RFX7: variants seen among roughly 807,000 people sequenced by gnomAD.
RFX7 encodes the protein regulatory factor X7.
Under a neutral mutation model 111.8 loss-of-function variants are expected in RFX7, and 26 were observed. The ratio of observed to expected loss-of-function variants is 0.23; its 90% CI spans 0.17 to 0.32. The LOEUF is 0.32. Among genes scored for constraint, RFX7 ranks in the 10% least tolerant of loss-of-function variants. The pLI is 1.00. For synonymous variants in RFX7, 624 were observed against 624.4 expected (o/e 1.00, Z 0.01); for missense variants, 1,573 against 1,772.9 (o/e 0.89, Z 2.02).
chr15:56,141,656 A>ACT (rs1555421058), intron 5 of RFX7, among the ~76,000 whole-genome samples: 1,763 of 82,896 alleles, frequency 0.021, 223 homozygotes, highest in African/African-American at 0.047. Flanking sequence ...GCTTACTCTA[A>ACT]ATATATATAT....
At chr15:56,216,594 A>G (rs2043365129) in intron 2 of RFX7, among the ~76,000 whole-genome samples, 1 of 152,096 alleles carries the variant, frequency 6.6e-6, no homozygotes, top group African/African-American at 2.4e-5. Context: ...TCATACTTTA[A>G]TTTTCTATTT....
At chr15:56,150,374 C>T (rs1249518215) in intron 3 of RFX7, among the ~76,000 whole-genome samples, 2 of 152,210 alleles carry the variant, frequency 1.3e-5, no homozygotes, top group African/African-American at 4.8e-5. Context: ...GGAGACACCT[C>T]CCAGATGGGG....
chr15:56,128,454 A>G (rs2042172853), intron 5 of RFX7, among the ~76,000 whole-genome samples: 1 of 152,252 alleles, frequency 6.6e-6, no homozygotes, highest in South Asian at 2.1e-4. Context: ...GTAATACACT[A>G]TATTCAGTTC....
At chr15:56,111,238 G>A (rs1189269578) in intron 5 of RFX7, among the ~76,000 whole-genome samples, 41 of 149,228 alleles carry the variant, frequency 2.7e-4, no homozygotes, top group Admixed American at 1.6e-3. Context: ...TTGAGAAATC[G>A]GATGGTTGCC....
chr15:56,105,635 A>AT (rs201092002), intron 5 of RFX7, among the ~76,000 whole-genome samples: 50 of 150,440 alleles, frequency 3.3e-4, no homozygotes, highest in Admixed American at 4.0e-4. Context: ...TCAGATTTTG[A>AT]TTTTTTTTTT....
At chr15:56,211,021 G>GT (rs1372374775) in intron 2 of RFX7, among the ~76,000 whole-genome samples, 2 of 151,992 alleles carry the variant, frequency 1.3e-5, no homozygotes, top group Non-Finnish European at 2.9e-5. Context: ...GCCAACAAAT[G>GT]TAATAACATA....
intron 5 of RFX7, among the ~76,000 whole-genome samples, chr15:56,107,136 A>AAAT (rs1336579635): frequency 2.0e-5 from 3 of 151,906 alleles, no homozygotes; most frequent in Admixed American, 6.6e-5. Context: ...CCTCTACTAA[A>AAAT]AATACAAAAA....
intron 5 of RFX7, among the ~76,000 whole-genome samples, chr15:56,123,462 G>A (rs575705874): frequency 2.5e-4 from 38 of 152,230 alleles, no homozygotes; most frequent in Non-Finnish European, 4.7e-4. Context: ...TCCTCTTCAC[G>A]TTTCCTTCTC....
At chr15:56,194,917 A>G (rs2043133100) in intron 2 of RFX7, among the ~76,000 whole-genome samples, 1 of 152,128 alleles carries the variant, frequency 6.6e-6, no homozygotes. Context: ...CCAAAGAAAT[A>G]AAAATAGGAA....
intron 5 of RFX7, among the ~76,000 whole-genome samples, chr15:56,112,993 C>G (rs1250223738): frequency 2.6e-5 from 4 of 152,128 alleles, no homozygotes; most frequent in African/African-American, 9.7e-5. Context: ...ATTAAAAAGT[C>G]AAGAAACAAC....
intron 5 of RFX7, among the ~76,000 whole-genome samples, chr15:56,125,847 T>C (rs1192558090): frequency 9.2e-5 from 14 of 152,174 alleles, no homozygotes; most frequent in Admixed American, 5.9e-4. Flanking sequence ...TATATACATA[T>C]AGCTACTTTC....
intron 3 of RFX7, among the ~76,000 whole-genome samples, chr15:56,151,851 G>A (rs1443079126): frequency 2.6e-5 from 4 of 152,106 alleles, no homozygotes; most frequent in African/African-American, 9.7e-5. Flanking sequence ...CTCAAATAAA[G>A]GGATGGAGGA....
intron 5 of RFX7, among the ~76,000 whole-genome samples, chr15:56,124,580 G>A (rs2042119034): frequency 6.6e-6 from 1 of 152,078 alleles, no homozygotes; most frequent in Non-Finnish European, 1.5e-5. Context: ...ACCTCACTGT[G>A]GTTTTTATCT....
At chr15:56,119,731 C>G (rs897846789) in intron 5 of RFX7, among the ~76,000 whole-genome samples, 3 of 148,718 alleles carry the variant, frequency 2.0e-5, no homozygotes, top group African/African-American at 7.5e-5. Flanking sequence ...GAGCTGAGAT[C>G]GCGCCATTGG....
At chr15:56,206,135 A>G (rs573124504) in intron 2 of RFX7, among the ~76,000 whole-genome samples, 11 of 152,282 alleles carry the variant, frequency 7.2e-5, no homozygotes, top group Non-Finnish European at 1.5e-4. Flanking sequence ...TTTGTACACT[A>G]ATGTTGAGAG....
At chr15:56,160,064 TG>T (rs1425210490) in intron 3 of RFX7, among the ~76,000 whole-genome samples, 1 of 152,194 alleles carries the variant, frequency 6.6e-6, no homozygotes, top group Admixed American at 6.5e-5. Flanking sequence ...TGTTTGGTTT[TG>T]TTTTTTTAAG....
chr15:56,167,365 C>T (rs779547477), intron 3 of RFX7, among the ~76,000 whole-genome samples: 1 of 152,076 alleles, frequency 6.6e-6, no homozygotes, highest in Non-Finnish European at 1.5e-5. Flanking sequence ...TATACCTCTC[C>T]GATAGACCAA....
At chr15:56,197,751 A>G (rs570284062) in intron 2 of RFX7, among the ~76,000 whole-genome samples, 21 of 152,298 alleles carry the variant, frequency 1.4e-4, no homozygotes, top group Admixed American at 7.8e-4. Context: ...TCTTTGATAC[A>G]AACTATATAT....
chr15:56,145,133 T>C (rs2042450961), intron 3 of RFX7, among the ~76,000 whole-genome samples: 1 of 152,204 alleles, frequency 6.6e-6, no homozygotes, highest in Non-Finnish European at 1.5e-5. Context: ...TCTGCAACTA[T>C]GTCATTTTGT....
Sources: gnomAD v4.1 joint callset for allele counts (sites outside exome capture counted in the v4.1 genomes callset) on GRCh38, gnomAD v4.1.1 for gene constraint, MANE v1.5 for transcripts, NCBI Gene and HGNC (gene_info 2026-07-23, HGNC 2026-07-21) for gene names.